Variants in ENTPD1 observed in about 807,000 individuals in gnomAD.
The protein encoded by ENTPD1 is ectonucleoside triphosphate diphosphohydrolase 1.
A neutral mutation model predicts 57.0 loss-of-function variants in ENTPD1; 33 were observed. The observed-to-expected ratio is 0.58, with a 90% CI of 0.44 to 0.77. ENTPD1 has a LOEUF of 0.77. Among genes scored for constraint, ENTPD1 ranks in the 30% least tolerant of loss-of-function variants. ENTPD1 has a pLI of 0.00. For missense variants in ENTPD1, 501 were observed against 603.4 expected, an observed-to-expected ratio of 0.83 and a Z score of 1.78; for synonymous variants, 202 against 218.8, an observed-to-expected ratio of 0.92 and a Z score of 0.68.
intron 1 of ENTPD1, among the ~76,000 whole-genome samples, chr10:95,770,604 T>TGAA (rs1357528864): frequency 9.9e-5 from 15 of 152,188 alleles, no homozygotes; most frequent in African/African-American, 3.6e-4. Flanking sequence ...AGTATGGTCT[T>TGAA]TTTCAATTGT....
chr10:95,725,772 G>A (rs952229877), intron 1 of ENTPD1, among the ~76,000 whole-genome samples: 2 of 152,164 alleles, frequency 1.3e-5, no homozygotes, highest in African/African-American at 4.8e-5. Flanking sequence ...CTTTTTGCTA[G>A]CCTGTCTTGG....
chr10:95,847,288 A>T, intron 6 of ENTPD1, 158 bp from the exon 7 acceptor site: 1 of 806,300 alleles, frequency 1.2e-6, no homozygotes, highest in African/African-American at 1.7e-5. Flanking sequence ...TCCATTTTTC[A>T]TATTTATTCC....
chr10:95,800,633 A>G lies in ENTPD1; in HGVS notation c.17-22604A>G, dbSNP rs1453322440. On this transcript the variant is annotated intron_variant, in intron 1 of 9. Coordinates refer to ENST00000371205, the MANE Select transcript of ENTPD1 (RefSeq NM_001776.6). ...GGCTGTCTATAGACCTATCCCCAGGAATGCATTCCTTCCCCAGGGTTACTC... is the reference window on the plus strand; with the variant it reads ...GGCTGTCTATAGACCTATCCCCAGGGATGCATTCCTTCCCCAGGGTTACTC... Among the ~76,000 whole-genome samples, 3 of 152,250 alleles carry G rather than the reference A, an allele frequency of 2.0e-5. No individual in the cohort carries two copies. The East Asian group carries it at 5.8e-4, about 29-fold the overall frequency.
intron 1 of ENTPD1, among the ~76,000 whole-genome samples, chr10:95,737,726 A>G (rs953043686): frequency 1.3e-5 from 2 of 152,186 alleles, no homozygotes; most frequent in African/African-American, 2.4e-5. Context: ...AATTATTTAC[A>G]CAGCCCTAAA....
At position 95,872,534 on chromosome 10, in the gene ENTPD1, G is replaced by A; in HGVS notation, c.*6151G>A. The A allele has an allele frequency of 1.0e-6, 1 of 984,938 alleles. No individual in the cohort carries two copies. Among genetic ancestry groups the A allele is most frequent in the Admixed American group, 6.1e-5 (1 of 16,278 alleles). The allele number at this position is 984,938 out of a possible 1,614,324, so 61.0% of individuals were successfully genotyped here. A position where few individuals can be genotyped will look rare whatever the true frequency, so the allele number is the denominator to read the frequency against. ...CTTCTCCAAATTTCCAAGTCAGAAT[G>A]TCTCTTCCTTGTGCTACCACAACCC... On this transcript the variant is annotated 3_prime_UTR_variant, in exon 10 of 10. Coordinates refer to ENST00000371205, the MANE Select transcript of ENTPD1 (RefSeq NM_001776.6).
At chr10:95,807,451 C>A (rs1203013327) in intron 1 of ENTPD1, among the ~76,000 whole-genome samples, 1 of 152,230 alleles carries the variant, frequency 6.6e-6, no homozygotes, top group Non-Finnish European at 1.5e-5. Context: ...AATCCCCCAA[C>A]CCCTTGTGCT....
chr10:95,718,678 A>G (rs1447682666), intron 1 of ENTPD1, among the ~76,000 whole-genome samples: 1 of 152,308 alleles, frequency 6.6e-6, no homozygotes, highest in East Asian at 1.9e-4. Context: ...AGTGAGGGCT[A>G]TTAGTTCTGC....
intron 1 of ENTPD1, among the ~76,000 whole-genome samples, chr10:95,728,523 T>C (rs2097986010): frequency 6.6e-6 from 1 of 152,210 alleles, no homozygotes; most frequent in African/African-American, 2.4e-5. Context: ...TTTTCTCTGC[T>C]TGTTGGGAGC....
rs1016873617 is a variant in ENTPD1, at chr10:95,800,485, A to G, written c.17-22752A>G. Among the ~76,000 whole-genome samples the G allele has an allele frequency of 3.3e-5, 5 of 152,136 alleles. No homozygotes were observed. The East Asian group carries it at 9.6e-4, about 29-fold the overall frequency. On this transcript the variant is annotated intron_variant, in intron 1 of 9. Transcript: ENST00000371205. ...AGGAAACAGGGTTTGAGAGCAGACA[A>G]CCAGTATGACTAGAATTTACCAGGC... is the stretch of plus-strand genomic sequence containing the variant.
At chr10:95,837,588 C>T (rs903979988) in intron 2 of ENTPD1, among the ~76,000 whole-genome samples, 4 of 152,136 alleles carry the variant, frequency 2.6e-5, no homozygotes, top group African/African-American at 9.7e-5. Context: ...AGGGAATCCC[C>T]ACTGTGTGTA....
upstream of ENTPD1, chr10:95,753,273 A>G (rs2098015037): frequency 6.6e-6 from 1 of 152,202 alleles, no homozygotes; most frequent in Non-Finnish European, 1.5e-5. Context: ...ACAAACTCCC[A>G]TCTCTTTTAT....
chr10:95,856,649 TG>T (rs943870783), intron 7 of ENTPD1, among the ~76,000 whole-genome samples: 32 of 102,412 alleles, frequency 3.1e-4, no homozygotes, highest in Non-Finnish European at 4.9e-4. Context: ...TATATATGTA[TG>T]CATATATATA....
chr10:95,713,855 C>T (rs2097968564), intron 1 of ENTPD1, among the ~76,000 whole-genome samples: 1 of 152,212 alleles, frequency 6.6e-6, no homozygotes, highest in South Asian at 2.1e-4. Context: ...TTATATCCAT[C>T]CATATAGCCA....
At chr10:95,725,174 GCTTTT>G (rs2097982305) in intron 1 of ENTPD1, among the ~76,000 whole-genome samples, 1 of 151,752 alleles carries the variant, frequency 6.6e-6, no homozygotes. Context: ...CACTTATTTT[GCTTTT>G]CTTCTCTAGA....
chr10:95,721,153 C>A (rs367829519), intron 1 of ENTPD1, among the ~76,000 whole-genome samples: 7 of 152,302 alleles, frequency 4.6e-5, no homozygotes, highest in South Asian at 4.1e-4. Flanking sequence ...CTCCCTTAGT[C>A]TCTCCAGAAA....
chr10:95,843,042 A>G (rs147806384), intron 4 of ENTPD1, among the ~76,000 whole-genome samples: 2 of 152,328 alleles, frequency 1.3e-5, no homozygotes, highest in East Asian at 1.9e-4. Flanking sequence ...CAGAGCTGCT[A>G]TGGGAGCACA....
chr10:95,708,267 G>A (rs531086113), upstream of ENTPD1, among the ~76,000 whole-genome samples: 7 of 151,288 alleles, frequency 4.6e-5, no homozygotes, highest in African/African-American at 1.2e-4. Flanking sequence ...AGGCTGGAGT[G>A]CAGTGCCGTG....
At chr10:95,865,333 C>T (rs146210779) in intron 9 of ENTPD1, among the ~76,000 whole-genome samples, 1,744 of 152,206 alleles carry the variant, frequency 0.011, 16 homozygotes, top group Non-Finnish European at 0.018. Context: ...ATGATGAGAC[C>T]GTTGTTTAGA....
At chr10:95,860,148 G>T (rs2098462916) in intron 7 of ENTPD1, among the ~76,000 whole-genome samples, 1 of 152,168 alleles carries the variant, frequency 6.6e-6, no homozygotes, top group Admixed American at 6.5e-5. Context: ...TTCATATGTA[G>T]TACATAGTAT....
Sources: allele counts gnomAD v4.1 joint callset (sites outside exome capture counted in the v4.1 genomes callset), GRCh38; gene constraint gnomAD v4.1.1; transcripts MANE v1.5; gene names NCBI Gene and HGNC (gene_info 2026-07-23, HGNC 2026-07-21).